KIAA0319L: variants seen among roughly 807,000 people sequenced by gnomAD.
KIAA0319L encodes the protein KIAA0319 like.
Under a neutral mutation model 120.1 loss-of-function variants are expected in KIAA0319L, and 55 were observed. The ratio of observed to expected loss-of-function variants is 0.46; its 90% CI spans 0.37 to 0.57. The LOEUF (loss-of-function observed/expected upper bound fraction) is 0.57. Ranked by LOEUF, KIAA0319L falls within the 20% of genes least tolerant of loss-of-function variation. The pLI, the probability that KIAA0319L is intolerant of heterozygous loss-of-function variation, is 0.00. For missense variants in KIAA0319L, 1,049 were observed against 1,255.3 expected (o/e 0.84, Z 2.48); for synonymous variants, 398 against 471.9 (o/e 0.84, Z 2.03).
chr1:35,547,100 ATATAT>A (rs1420366741), intron 2 of KIAA0319L, among the ~76,000 whole-genome samples: 1 of 145,226 alleles, frequency 6.9e-6, no homozygotes, highest in Non-Finnish European at 1.5e-5. Context: ...ATATTATTAC[ATATAT>A]TATATATATG....
At chr1:35,438,707 C>G (rs1038820549) in intron 20 of KIAA0319L, 6 of 151,778 alleles carry the variant, frequency 4.0e-5, no homozygotes, top group African/African-American at 1.5e-4. Context: ...AAATATAAAC[C>G]AAGACCGGGT....
intron 2 of KIAA0319L, among the ~76,000 whole-genome samples, chr1:35,545,224 G>A (rs1646938566): frequency 6.6e-6 from 1 of 152,134 alleles, no homozygotes; most frequent in Non-Finnish European, 1.5e-5. Context: ...CCCTCTAGGG[G>A]GGCAAGAGGA....
In KIAA0319L at chr1:35,435,374, T is replaced by C. The variant is rs1640701587; in HGVS notation, c.2963-293A>G. 9.7e-6 allele frequency: 3 copies of C among 307,886 alleles called. No homozygotes were observed. The Admixed American group carries it at 1.5e-4, about 15-fold the overall frequency. 19.1% of individuals were successfully genotyped at this position (307,886 alleles called of 1,614,324 possible). On this transcript the variant is annotated intron_variant, in intron 20 of 20. Transcript: ENST00000325722. ...TGGTTCAGGCCACTCAGTGACATTC[T>C]CTTTTCTTTACCTTTCAAATTTGGA... is the stretch of plus-strand genomic sequence containing the variant.
chr1:35,518,584 GA>G (rs1645777635), intron 2 of KIAA0319L, among the ~76,000 whole-genome samples: 1 of 151,914 alleles, frequency 6.6e-6, no homozygotes, highest in African/African-American at 2.4e-5. Context: ...AAGAGGAGCA[GA>G]AAAAAATAAC....
rs1642221692 is a variant in KIAA0319L at position 35,453,653 on chromosome 1, T to C, written c.1817A>G (p.Asp606Gly). The C allele has an allele frequency of 3.1e-6, 5 of 1,614,104 alleles. No homozygotes were observed. The highest frequency in any genetic ancestry group is 3.4e-6 in the Non-Finnish European group (4 of 1,179,958). Residue 606 changes from aspartate to glycine, a missense_variant, in exon 12 of 21, where the codon GAT becomes GGT. Coordinates refer to ENST00000325722, the MANE Select transcript of KIAA0319L (RefSeq NM_024874.5). This position sits in a 1 kb window ranked among gnomAD's most constrained non-coding sequence, Gnocchi z 4.1. ...ATCCACAGGAAGGGTCAGCTCTTTA[T>C]CTGGGCCTGCATCTGCCTGAGGAGG... ...NKPPQADAGP[D>G]KELTLPVDST...
rs765842800 is a variant in KIAA0319L at position 35,462,633 on chromosome 1, T to C, written c.1282A>G (p.Ile428Val). 2 of 1,611,674 alleles carry C rather than the reference T, an allele frequency of 1.2e-6. No homozygotes were observed. Among genetic ancestry groups the C allele is most frequent in the Non-Finnish European group, 1.7e-6 (2 of 1,177,754 alleles). Residue 428 changes from isoleucine (I) to valine (V), a missense_variant, in exon 8 of 21, where the codon ATT becomes GTT. Physicochemically the swap from Ile to Val is conservative, Grantham distance 29. Transcript: ENST00000325722. ...EISLPTTSTV[I>V]DGSQSTDDDK... is the part of the protein sequence containing the mutation. ...GACAAGTACTCACGACTGCCATCAA[T>C]GACTGTAGAAGTGGTTGGCAAAGAG...
chr1:35,444,590 T>C (rs1208018289), intron 16 of KIAA0319L, among the ~76,000 whole-genome samples: 1 of 152,166 alleles, frequency 6.6e-6, no homozygotes, highest in Non-Finnish European at 1.5e-5. Context: ...TCTGTTCTTT[T>C]TAAAATGCCC....
At chr1:35,508,996 C>G (rs1006398925) in intron 2 of KIAA0319L, among the ~76,000 whole-genome samples, 1 of 152,090 alleles carries the variant, frequency 6.6e-6, no homozygotes, top group Non-Finnish European at 1.5e-5. Flanking sequence ...ATATATAAAG[C>G]AACTGTTTTT....
At position 35,503,002 on chromosome 1, in the gene KIAA0319L, T is replaced by C. The variant is rs1238167597; in HGVS notation, c.666+3610A>G. Reference sequence around the variant, plus strand: ...CACTGTTATAAATGCATGATCTCCATCTTCAAGGCTACCCAGCAATATTTC... The same window carrying C: ...CACTGTTATAAATGCATGATCTCCACCTTCAAGGCTACCCAGCAATATTTC... On this transcript the variant is annotated intron_variant, in intron 3 of 20. Coordinates refer to ENST00000325722, the MANE Select transcript of KIAA0319L (RefSeq NM_024874.5). 2.0e-5 allele frequency among the ~76,000 whole-genome samples: 3 copies of C among 152,188 alleles called. No individual in the cohort carries two copies. The East Asian group carries it at 5.8e-4, about 29-fold the overall frequency.
intron 2 of KIAA0319L, among the ~76,000 whole-genome samples, chr1:35,512,080 G>A (rs969835893): frequency 2.6e-5 from 4 of 151,910 alleles, no homozygotes; most frequent in African/African-American, 9.7e-5. Flanking sequence ...GACCAGCCTG[G>A]CCAACATGGC....
intron 1 of KIAA0319L, chr1:35,554,995 G>A (rs1013782067): frequency 1.3e-5 from 2 of 152,848 alleles, no homozygotes; most frequent in Non-Finnish European, 2.9e-5. Flanking sequence ...AATGTCTTTA[G>A]GCAGGGCATG....
chr1:35,454,551 T>A, intron 10 of KIAA0319L, 66 bp from the exon 11 acceptor site: 1 of 1,594,008 alleles, frequency 6.3e-7, no homozygotes, highest in East Asian at 2.2e-5. Flanking sequence ...TAATTCCGAC[T>A]CTGGTAAAAA....
At chr1:35,441,617 GT>G (rs1200764853) in intron 19 of KIAA0319L, among the ~76,000 whole-genome samples, 5 of 152,102 alleles carry the variant, frequency 3.3e-5, no homozygotes, top group Admixed American at 1.3e-4. Context: ...CTGAGCCTAA[GT>G]TTTTTTATCT....
chr1:35,534,411 G>A (rs1412958693), intron 2 of KIAA0319L, among the ~76,000 whole-genome samples: 1 of 152,172 alleles, frequency 6.6e-6, no homozygotes, highest in Non-Finnish European at 1.5e-5. Context: ...TTGATTATCT[G>A]CTAGATGGAA....
intron 1 of KIAA0319L, among the ~76,000 whole-genome samples, chr1:35,555,656 G>T (rs1647874885): frequency 6.6e-6 from 1 of 152,218 alleles, no homozygotes; most frequent in African/African-American, 2.4e-5. Context: ...GCCTAAGTTA[G>T]AAAGTACATC....
intron 2 of KIAA0319L, among the ~76,000 whole-genome samples, chr1:35,540,355 A>T (rs1265175505): frequency 2.0e-5 from 3 of 152,224 alleles, no homozygotes; most frequent in Non-Finnish European, 4.4e-5. Flanking sequence ...CTTCATGCTA[A>T]GCATTGGAAT....
At chr1:35,556,209 A>C (rs1013007992) in intron 1 of KIAA0319L, among the ~76,000 whole-genome samples, 1 of 152,232 alleles carries the variant, frequency 6.6e-6, no homozygotes, top group African/African-American at 2.4e-5. Flanking sequence ...CCCAAAATAA[A>C]AGCACTCTCT....
intron 7 of KIAA0319L, among the ~76,000 whole-genome samples, chr1:35,463,493 T>C (rs985458385): frequency 1.3e-5 from 2 of 152,228 alleles, no homozygotes; most frequent in Admixed American, 6.5e-5. Context: ...TAGAGCTCAC[T>C]GTATGTGAAC....
In KIAA0319L at chr1:35,466,657, C is replaced by T. The variant is rs1319975836; in HGVS notation, c.1152G>A (p.Glu384=). Residue 384 remains glutamate (E), a synonymous_variant, in exon 7 of 21, where the codon GAG becomes GAA. Transcript: ENST00000325722. ...PGLYEFKVIV[E]GQNAHGEGYV... is the part of the protein sequence containing the mutation. The stretch of plus-strand genomic sequence containing the variant: ...AGCCTTCCCCATGGGCATTTTGACC[C>T]TCTACAATCACTTTGAATTCATACA... 1.9e-6 allele frequency: 3 copies of T among 1,613,736 alleles called. No individual in the cohort carries two copies. Among genetic ancestry groups the T allele is most frequent in the Non-Finnish European group, 2.5e-6 (3 of 1,179,738 alleles).
Sources: gnomAD v4.1 joint callset for allele counts (sites outside exome capture counted in the v4.1 genomes callset) on GRCh38, gnomAD v4.1.1 for gene constraint, Gnocchi (gnomAD v3.1) non-coding constraint, MANE v1.5 for transcripts, NCBI Gene and HGNC (gene_info 2026-07-23, HGNC 2026-07-21) for gene names.